The following CFDP1 variants were observed in gnomAD, a reference collection of about 807,000 sequenced individuals.
CFDP1 encodes the protein chromatin remodeling protein CFDP1, also known as heterochromatin-stabilizing protein CFDP1.
In CFDP1, 31 loss-of-function variants were observed where a neutral mutation model predicts 40.1. The ratio of observed to expected loss-of-function variants is 0.77; its 90% CI spans 0.58 to 1.04. The LOEUF (loss-of-function observed/expected upper bound fraction) is 1.04, where lower values mean the gene tolerates loss of function less well. Among genes scored for constraint, CFDP1 ranks in the 50% least tolerant of loss-of-function variants. CFDP1 has a pLI of 0.00. For missense variants in CFDP1, 423 were observed against 343.4 expected, an observed-to-expected ratio of 1.23 and a Z score of -1.83; for synonymous variants, 167 against 120.0, an observed-to-expected ratio of 1.39 and a Z score of -2.56.
At chr16:75,349,650 CAAAAAAAAAAAAAAAAAAAAAA>C (rs61472076) in intron 5 of CFDP1, among the ~76,000 whole-genome samples, 3 of 23,242 alleles carry the variant, frequency 1.3e-4, no homozygotes, top group African/African-American at 2.7e-4. Context: ...GACTCCGTCT[CAAAAAAAAAAAAAAAAAAAAAA>C]AAAAAAAAAA....
rs76094544 is a variant in CFDP1 at position 75,301,071 on chromosome 16, G to A, written c.809+3953C>T. On this transcript the variant is annotated intron_variant, in intron 6 of 6. Coordinates refer to ENST00000283882, the MANE Select transcript of CFDP1 (RefSeq NM_006324.3). Reference sequence around the variant, plus strand: ...AGCTTTCCAGTAAGGCCTGAGGCATGGTGAGGTCAGTAATGGCAGGTGGGA... The same window carrying A: ...AGCTTTCCAGTAAGGCCTGAGGCATAGTGAGGTCAGTAATGGCAGGTGGGA... 1.6e-4 allele frequency among the ~76,000 whole-genome samples: 25 copies of A among 152,306 alleles called. No individual in the cohort carries two copies. In the East Asian group the frequency reaches 4.6e-3, roughly 28 times the overall value.
intron 5 of CFDP1, among the ~76,000 whole-genome samples, chr16:75,346,582 C>CAAAAAAAAAAAAAAAAAAAAAAAAAA (rs748081401): frequency 3.4e-5 from 2 of 59,328 alleles, no homozygotes; most frequent in African/African-American, 7.4e-5. Context: ...GACTCTGTCT[C>CAAAAAAAAAAAAAAAAAAAAAAAAAA]AAAAAAAAAA....
At chr16:75,334,642 C>G (rs1225128452) in intron 5 of CFDP1, among the ~76,000 whole-genome samples, 1 of 152,060 alleles carries the variant, frequency 6.6e-6, no homozygotes, top group East Asian at 1.9e-4. Flanking sequence ...AACCAAAGCA[C>G]AAGCTAAACC....
rs16959944 is a variant in CFDP1 at position 75,310,769 on chromosome 16, T to C, written c.651-5587A>G. Among the ~76,000 whole-genome samples the C allele has an allele frequency of 5.3e-3, 807 of 152,320 alleles. 8 individuals carry two copies. Among genetic ancestry groups the C allele is most frequent in the African/African-American group, 0.019 (781 of 41,564 alleles). On this transcript the variant is annotated intron_variant, in intron 5 of 6. Coordinates refer to ENST00000283882, the MANE Select transcript of CFDP1 (RefSeq NM_006324.3). ...CTGGAAAGGAGCTGGGAGAGTAACT[T>C]GCCAAGTGGAAAGGCTGACAGGGCT... is the stretch of plus-strand genomic sequence containing the variant.
chr16:75,400,853 A>T (rs1409248355), intron 4 of CFDP1, among the ~76,000 whole-genome samples: 1 of 152,186 alleles, frequency 6.6e-6, no homozygotes, highest in Non-Finnish European at 1.5e-5. Flanking sequence ...CTCAGCCTAG[A>T]CTGCCCTGGC....
chr16:75,325,185 G>T (rs1295280410), intron 5 of CFDP1: 2 of 152,336 alleles, frequency 1.3e-5, no homozygotes, highest in African/African-American at 4.8e-5. Context: ...AGCCTTGAGG[G>T]CCCTAGTCTG....
intron 1 of CFDP1, among the ~76,000 whole-genome samples, chr16:75,424,577 A>C (rs922059871): frequency 6.6e-6 from 1 of 152,180 alleles, no homozygotes. Context: ...AACACGGTGA[A>C]ACCCAGTCTC....
At chr16:75,412,010 G>C (rs1351208040) in intron 3 of CFDP1, 58 bp from the exon 4 acceptor site, 3 of 1,507,062 alleles carry the variant, frequency 2.0e-6, no homozygotes, top group African/African-American at 1.4e-5. Context: ...ATTGTTTACA[G>C]ATACTTTTTA....
intron 4 of CFDP1, among the ~76,000 whole-genome samples, chr16:75,410,496 G>A (rs949298270): frequency 7.2e-5 from 11 of 152,162 alleles, no homozygotes; most frequent in East Asian, 1.9e-4. Flanking sequence ...TATTGAGGCC[G>A]GGGACAGTGG....
At chr16:75,317,390 G>A (rs2078330656) in intron 5 of CFDP1, among the ~76,000 whole-genome samples, 1 of 152,182 alleles carries the variant, frequency 6.6e-6, no homozygotes, top group African/African-American at 2.4e-5. Context: ...CCCATGGTGG[G>A]GGAGTCCTGG....
At chr16:75,410,716 G>A (rs144033392) in intron 4 of CFDP1, among the ~76,000 whole-genome samples, 10,097 of 151,490 alleles carry the variant, frequency 0.067, 362 homozygotes, top group Middle Eastern at 0.13. Flanking sequence ...AGACCATCCC[G>A]GCTAACATGG....
At chr16:75,388,464 C>T (rs1047946424) in intron 5 of CFDP1, among the ~76,000 whole-genome samples, 1 of 152,100 alleles carries the variant, frequency 6.6e-6, no homozygotes, top group African/African-American at 2.4e-5. Context: ...CAGTTGCCTA[C>T]AGGAACCATG....
At chr16:75,405,267 T>G (rs1404428085) in intron 4 of CFDP1, among the ~76,000 whole-genome samples, 1 of 152,216 alleles carries the variant, frequency 6.6e-6, no homozygotes, top group Non-Finnish European at 1.5e-5. Flanking sequence ...TGTAATAAAA[T>G]GTAAGCATTT....
At chr16:75,413,378 C>A (rs2079178884) in intron 2 of CFDP1, among the ~76,000 whole-genome samples, 9 of 151,932 alleles carry the variant, frequency 5.9e-5, no homozygotes, top group Admixed American at 5.9e-4. Flanking sequence ...TCTTTTACTT[C>A]ATATAAACTT....
chr16:75,361,437 T>C (rs756720752), intron 5 of CFDP1, among the ~76,000 whole-genome samples: 2 of 152,040 alleles, frequency 1.3e-5, no homozygotes, highest in Non-Finnish European at 2.9e-5. Flanking sequence ...GACAACATAG[T>C]GAATCCCCAC....
chr16:75,384,851 ACT>A (rs1491180985), intron 5 of CFDP1, among the ~76,000 whole-genome samples: 34 of 68,084 alleles, frequency 5.0e-4, no homozygotes, highest in African/African-American at 2.1e-3. Flanking sequence ...AGAAACTAAA[ACT>A]ATATATATAT....
intron 5 of CFDP1, among the ~76,000 whole-genome samples, chr16:75,345,670 G>A (rs1405156947): frequency 6.6e-6 from 1 of 152,092 alleles, no homozygotes; most frequent in Non-Finnish European, 1.5e-5. Context: ...ACATCCCAAA[G>A]TCTGCAAGAG....
At chr16:75,313,266 T>C (rs1375630945) in intron 5 of CFDP1, among the ~76,000 whole-genome samples, 4 of 152,218 alleles carry the variant, frequency 2.6e-5, no homozygotes, top group Non-Finnish European at 2.9e-5. Flanking sequence ...GGTTCGTGCA[T>C]ATAATGCAGA....
chr16:75,407,587 G>A (rs1203440439), intron 4 of CFDP1, among the ~76,000 whole-genome samples: 4 of 151,170 alleles, frequency 2.6e-5, no homozygotes, highest in African/African-American at 7.3e-5. Flanking sequence ...GGCTGAGGTC[G>A]GGGGAAATCA....
Sources: gnomAD v4.1 joint callset for allele counts (sites outside exome capture counted in the v4.1 genomes callset) on GRCh38, gnomAD v4.1.1 for gene constraint, MANE v1.5 for transcripts, NCBI Gene and HGNC (gene_info 2026-07-23, HGNC 2026-07-21) for gene names.